SMOC2: variants seen among roughly 807,000 people sequenced by gnomAD.
SMOC2 encodes the protein SPARC related modular calcium binding 2.
A neutral mutation model predicts 61.4 loss-of-function variants in SMOC2; 39 were observed. That is an observed-to-expected ratio of 0.64 (90% confidence interval 0.49 to 0.83). SMOC2 has a LOEUF of 0.83. Among genes scored for constraint, SMOC2 ranks in the 40% least tolerant of loss-of-function variants. SMOC2 has a pLI of 0.00. For synonymous variants in SMOC2, 247 were observed against 239.9 expected (o/e 1.03, Z -0.27); for missense variants, 556 against 592.9 (o/e 0.94, Z 0.65).
chr6:168,549,785 T>A (rs1784089692), intron 7 of SMOC2, among the ~76,000 whole-genome samples: 1 of 152,248 alleles, frequency 6.6e-6, no homozygotes, highest in South Asian at 2.1e-4. Flanking sequence ...TTCGGCATTT[T>A]AAAATTAAAT....
At position 168,523,635 on chromosome 6, in the gene SMOC2, G is replaced by C. The variant is rs935868624; in HGVS notation, c.257-2711G>C. On this transcript the variant is annotated intron_variant, in intron 2 of 12. Coordinates refer to ENST00000356284, the MANE Select transcript of SMOC2 (RefSeq NM_001166412.2). The stretch of plus-strand genomic sequence containing the variant: ...AGGATGGTCTTCATCTCCTGACCTC[G>C]TGATGCGCCCACCTCAGCCTCCCAA... Among the ~76,000 whole-genome samples the C allele has an allele frequency of 4.0e-5, 6 of 148,410 alleles. No homozygotes were observed. In the East Asian group the frequency reaches 1.2e-3, roughly 30 times the overall value.
intron 1 of SMOC2, among the ~76,000 whole-genome samples, chr6:168,491,038 G>A (rs1386768394): frequency 1.3e-5 from 2 of 151,656 alleles, no homozygotes; most frequent in African/African-American, 4.8e-5. Flanking sequence ...TGTGCAAGGG[G>A]GCAGCGGGGG....
intron 8 of SMOC2, among the ~76,000 whole-genome samples, chr6:168,601,918 T>G (rs1562374898): frequency 6.6e-6 from 1 of 152,232 alleles, no homozygotes; most frequent in African/African-American, 2.4e-5. Context: ...CTCTCCTGTT[T>G]CCTATTTCTG....
rs909332534 is a variant in SMOC2 at position 168,583,054 on chromosome 6, T to C, written c.638-15764T>C. Among the ~76,000 whole-genome samples, 5 of 152,250 alleles carry C rather than the reference T, an allele frequency of 3.3e-5. 1 individual carries two copies. The highest frequency in any genetic ancestry group is 1.2e-4 in the African/African-American group (5 of 41,466). ...CTGAAGTCAGTGATTCTGAACTGTT[T>C]TGAACAGGAGGAGCCATGCTACTTA... is the stretch of plus-strand genomic sequence containing the variant. On this transcript the variant is annotated intron_variant, in intron 7 of 12. Transcript: ENST00000356284.
chr6:168,448,227 T>C (rs376440347), intron 1 of SMOC2, among the ~76,000 whole-genome samples: 68 of 151,262 alleles, frequency 4.5e-4, no homozygotes, highest in African/African-American at 1.6e-3. Context: ...GAAAGCAACA[T>C]TGTGCTGGAC....
chr6:168,638,945 C>T (rs575958883), intron 9 of SMOC2, among the ~76,000 whole-genome samples: 2 of 152,260 alleles, frequency 1.3e-5, no homozygotes, highest in East Asian at 3.9e-4. Flanking sequence ...GTGCATGAGC[C>T]CCGAGAGGAG....
At chr6:168,596,070 TGGGTGCTGCTGG>T (rs1785326290) in intron 7 of SMOC2, among the ~76,000 whole-genome samples, 1 of 114,310 alleles carries the variant, frequency 8.7e-6, no homozygotes, top group South Asian at 3.0e-4. Context: ...ATGAGTTTCC[TGGGTGCTGCTGG>T]AGAGGCATGA....
chr6:168,650,107 C>T (rs371788639), intron 9 of SMOC2, among the ~76,000 whole-genome samples: 6 of 152,164 alleles, frequency 3.9e-5, no homozygotes, highest in African/African-American at 7.2e-5. Flanking sequence ...ATACACAGTC[C>T]GCGCTGGGCT....
At chr6:168,472,304 G>A (rs1781982444) in intron 1 of SMOC2, among the ~76,000 whole-genome samples, 1 of 150,952 alleles carries the variant, frequency 6.6e-6, no homozygotes, top group East Asian at 1.9e-4. Flanking sequence ...TGAAGAGACT[G>A]TCCCTTCCCC....
intron 9 of SMOC2, among the ~76,000 whole-genome samples, chr6:168,622,179 G>A (rs987606082): frequency 1.4e-4 from 22 of 152,064 alleles, no homozygotes; most frequent in Non-Finnish European, 2.8e-4. Context: ...TGTTAGCCAG[G>A]ATGGTCTCGA....
At chr6:168,612,905 C>A (rs1447024458) in intron 9 of SMOC2, among the ~76,000 whole-genome samples, 1 of 152,190 alleles carries the variant, frequency 6.6e-6, no homozygotes, top group Non-Finnish European at 1.5e-5. Flanking sequence ...CGAAAACTTA[C>A]AATGGAGACT....
chr6:168,563,860 G>C (rs541783865), intron 7 of SMOC2, among the ~76,000 whole-genome samples: 3 of 152,060 alleles, frequency 2.0e-5, no homozygotes, highest in Non-Finnish European at 4.4e-5. Flanking sequence ...CCAACCGGAG[G>C]CTCGGTGTCC....
chr6:168,599,535 C>CA (rs1299770999), intron 8 of SMOC2, among the ~76,000 whole-genome samples: 8 of 48,188 alleles, frequency 1.7e-4, no homozygotes, highest in Non-Finnish European at 3.4e-4. Context: ...CCCCCACACA[C>CA]CCACTCACAC....
intron 5 of SMOC2, 68 bp downstream of exon 5, chr6:168,543,740 C>G: frequency 6.9e-7 from 1 of 1,456,162 alleles, no homozygotes; most frequent in African/African-American, 1.4e-5. Context: ...AATAACTTCT[C>G]AAGTTAAAGT....
rs78534871 is a variant in SMOC2 at position 168,465,471 on chromosome 6, A to G, written c.84+24017A>G. Among the ~76,000 whole-genome samples the G allele has an allele frequency of 6.8e-4, 103 of 152,082 alleles. No homozygotes were observed. In the East Asian group the frequency reaches 0.014, roughly 21 times the overall value. On this transcript the variant is annotated intron_variant, in intron 1 of 12. Transcript: ENST00000356284. The stretch of plus-strand genomic sequence containing the variant: ...TAAGAAGCCATCAGATCAGCCGGAA[A>G]AAAAAAAAAGAAAAAAGAAAGACTT...
chr6:168,472,223 C>A (rs1204241091), intron 1 of SMOC2, among the ~76,000 whole-genome samples: 2 of 152,076 alleles, frequency 1.3e-5, no homozygotes, highest in Non-Finnish European at 2.9e-5. Flanking sequence ...TAATTTTTGT[C>A]TGTGGTGTTA....
At chr6:168,624,914 GAC>G (rs1187867169) in intron 9 of SMOC2, among the ~76,000 whole-genome samples, 10 of 151,070 alleles carry the variant, frequency 6.6e-5, no homozygotes, top group African/African-American at 2.4e-4. Flanking sequence ...CATGTACACA[GAC>G]ACACACATCC....
chr6:168,578,789 C>T (rs190334042), intron 7 of SMOC2, among the ~76,000 whole-genome samples: 11 of 152,242 alleles, frequency 7.2e-5, no homozygotes, highest in East Asian at 5.8e-4. Flanking sequence ...AAGAATTGGA[C>T]GTGGGTAATG....
At chr6:168,574,989 C>A (rs1450151480) in intron 7 of SMOC2, among the ~76,000 whole-genome samples, 1 of 152,226 alleles carries the variant, frequency 6.6e-6, no homozygotes, top group African/African-American at 2.4e-5. Flanking sequence ...CTCTGCTCCA[C>A]TCGAACACTC....
Sources: gnomAD v4.1 joint callset for allele counts (sites outside exome capture counted in the v4.1 genomes callset) on GRCh38, gnomAD v4.1.1 for gene constraint, MANE v1.5 for transcripts, NCBI Gene and HGNC (gene_info 2026-07-23, HGNC 2026-07-21) for gene names.